Variants in MAP4K3 observed in about 807,000 individuals in gnomAD.
The protein encoded by MAP4K3 is MAPK/ERK kinase kinase kinase 3.
Under a neutral mutation model 143.5 loss-of-function variants are expected in MAP4K3, and 94 were observed. The ratio of observed to expected loss-of-function variants is 0.65; its 90% CI spans 0.55 to 0.78. The LOEUF (loss-of-function observed/expected upper bound fraction) is 0.78, where lower values mean the gene tolerates loss of function less well. Ranked by LOEUF, MAP4K3 falls within the 30% of genes least tolerant of loss-of-function variation. The pLI, the probability that MAP4K3 is intolerant of heterozygous loss-of-function variation, is 0.00. For synonymous variants in MAP4K3, 416 were observed against 347.2 expected (o/e 1.20, Z -2.20); for missense variants, 1,077 against 1,068.1 (o/e 1.01, Z -0.12).
intron 7 of MAP4K3, 46 bp downstream of exon 7, chr2:39,333,486 A>G: frequency 1.4e-6 from 2 of 1,444,368 alleles, no homozygotes; most frequent in East Asian, 2.3e-5. Flanking sequence ...ACTTTACTAT[A>G]TCTTAGAATA....
At chr2:39,287,085 A>G in intron 20 of MAP4K3, 121 bp from the exon 21 acceptor site, 1 of 552,658 alleles carries the variant, frequency 1.8e-6, no homozygotes, top group Non-Finnish European at 3.1e-6. Flanking sequence ...ATTTGGGATC[A>G]CCCAATCAGA....
At chr2:39,376,283 G>A (rs1039963515) in intron 2 of MAP4K3, among the ~76,000 whole-genome samples, 3 of 152,160 alleles carry the variant, frequency 2.0e-5, no homozygotes, top group African/African-American at 7.2e-5. Flanking sequence ...AAAATAACTG[G>A]TGGCGGGGGG....
intron 2 of MAP4K3, among the ~76,000 whole-genome samples, chr2:39,377,746 C>A (rs1195882870): frequency 2.0e-5 from 3 of 152,176 alleles, no homozygotes; most frequent in East Asian, 1.9e-4. Context: ...CTACATCACA[C>A]TGACACCACA....
At chr2:39,387,330 A>G (rs1666531857) in intron 1 of MAP4K3, among the ~76,000 whole-genome samples, 1 of 152,182 alleles carries the variant, frequency 6.6e-6, no homozygotes, top group Non-Finnish European at 1.5e-5. Flanking sequence ...GAAAGAACTG[A>G]CATATTTACT....
At chr2:39,343,478 C>A (rs1312729124) in intron 3 of MAP4K3, 26 bp from the exon 4 acceptor site, 3 of 1,596,464 alleles carry the variant, frequency 1.9e-6, no homozygotes, top group South Asian at 2.2e-5. Context: ...AAGCATGTAT[C>A]ATATTTTCAT....
intron 1 of MAP4K3, among the ~76,000 whole-genome samples, chr2:39,424,830 CAAAAAAAAAAAAA>C (rs58960920): frequency 5.9e-5 from 4 of 68,198 alleles, no homozygotes; most frequent in African/African-American, 2.4e-4. Flanking sequence ...TAACCTGACT[CAAAAAAAAAAAAA>C]AAAAAAAAAA....
intron 16 of MAP4K3, among the ~76,000 whole-genome samples, chr2:39,295,800 C>A (rs1169016311): frequency 2.7e-5 from 4 of 148,024 alleles, no homozygotes; most frequent in Non-Finnish European, 5.9e-5. Flanking sequence ...CTCACTGCAA[C>A]CTCCACTTCC....
In MAP4K3 at chr2:39,343,383, C is replaced by T; in HGVS notation, c.310+5G>A. ...ACCCCTATAAAAATACAACTTTGGT[C>T]TTACCGTGATAAATATCCTGTAAAG... On this transcript the variant is annotated splice_donor_5th_base_variant and intron_variant, in intron 4 of 33. Transcript: ENST00000263881. The T allele has an allele frequency of 6.2e-7, 1 of 1,609,588 alleles. No individual in the cohort carries two copies. Among genetic ancestry groups the T allele is most frequent in the Non-Finnish European group, 8.5e-7 (1 of 1,176,734 alleles).
chr2:39,355,964 T>A (rs1665600031), intron 3 of MAP4K3, among the ~76,000 whole-genome samples: 1 of 152,208 alleles, frequency 6.6e-6, no homozygotes, highest in South Asian at 2.1e-4. Context: ...GGCAAGAGAA[T>A]GGCATATTTA....
chr2:39,258,447 G>T lies in MAP4K3; in HGVS notation c.2378-7C>A, dbSNP rs748015482. On this transcript the variant is annotated splice_region_variant and splice_polypyrimidine_tract_variant and intron_variant, in intron 30 of 33. Coordinates refer to ENST00000263881, the MANE Select transcript of MAP4K3 (RefSeq NM_003618.4). ...TTTACTATTTTTATACAACCTAGAG[G>T]AAAAAAAGTCACTCAGAAACTAAGA... 2 of 1,604,202 alleles carry T rather than the reference G, an allele frequency of 1.2e-6. No individual in the cohort carries two copies. The highest frequency in any genetic ancestry group is 1.7e-6 in the Non-Finnish European group (2 of 1,172,454).
intron 2 of MAP4K3, among the ~76,000 whole-genome samples, chr2:39,363,114 A>G (rs1473199127): frequency 6.6e-6 from 1 of 152,238 alleles, no homozygotes; most frequent in African/African-American, 2.4e-5. Flanking sequence ...ACTCTTATAG[A>G]AAAACACAGG....
intron 2 of MAP4K3, among the ~76,000 whole-genome samples, chr2:39,361,788 T>C (rs1354495504): frequency 6.6e-6 from 1 of 151,794 alleles, no homozygotes; most frequent in African/African-American, 2.4e-5. Flanking sequence ...TCATGTTAAA[T>C]AGCTGTTTGA....
chr2:39,272,492 T>C lies in MAP4K3; in HGVS notation c.1845A>G (p.Leu615=), dbSNP rs759033132. The change falls in exon 25 of 34, where the codon CTA becomes CTG. Residue 615 remains leucine (L), a synonymous_variant. Coordinates refer to ENST00000263881, the MANE Select transcript of MAP4K3 (RefSeq NM_003618.4). ...TWLYVMNNCL[L]SISGKASQLY... is the part of the protein sequence containing the mutation. The stretch of plus-strand genomic sequence containing the variant: ...AACTAATATACTTACCAGATATTGA[T>C]AGCAAGCAATTGTTCATTACATACA... 8 of 1,612,978 alleles carry C rather than the reference T, an allele frequency of 5.0e-6. No homozygotes were observed. In the African/African-American group the frequency reaches 8.0e-5, roughly 16 times the overall value.
chr2:39,277,585 G>A (rs998280418), intron 24 of MAP4K3, among the ~76,000 whole-genome samples: 34 of 151,554 alleles, frequency 2.2e-4, no homozygotes, highest in African/African-American at 7.0e-4. Context: ...TTTTTTTGAG[G>A]TGGAGTTTCA....
chr2:39,267,161 G>A lies in MAP4K3; in HGVS notation c.2032+28C>T, dbSNP rs756847148. On this transcript the variant is annotated intron_variant, in intron 27 of 33. Coordinates refer to ENST00000263881, the MANE Select transcript of MAP4K3 (RefSeq NM_003618.4). ...CAGATTTTAGGAGGAGTCTCAGAGA[G>A]CTATATGCTATTGGACAGTTTACTT... The A allele has an allele frequency of 3.1e-6, 5 of 1,608,664 alleles. No homozygotes were observed. In the East Asian group the frequency reaches 1.1e-4, roughly 36 times the overall value.
chr2:39,397,521 ACAT>A (rs1465005836), intron 1 of MAP4K3, among the ~76,000 whole-genome samples: 1 of 152,220 alleles, frequency 6.6e-6, no homozygotes, highest in East Asian at 1.9e-4. Context: ...GAGAGGCTAA[ACAT>A]CATAAAGGTA....
At chr2:39,353,609 C>T (rs927558546) in intron 3 of MAP4K3, among the ~76,000 whole-genome samples, 5 of 152,102 alleles carry the variant, frequency 3.3e-5, no homozygotes, top group East Asian at 3.8e-4. Context: ...ATGTTAAATT[C>T]TCTCAAGAAT....
At chr2:39,363,668 C>CAAAAAAAAAAA (rs34083007) in intron 2 of MAP4K3, among the ~76,000 whole-genome samples, 1 of 83,742 alleles carries the variant, frequency 1.2e-5, no homozygotes, top group African/African-American at 4.8e-5. Context: ...GACTCTGTCT[C>CAAAAAAAAAAA]AAAAAAAAAA....
At chr2:39,299,626 T>C (rs1332068960) in intron 16 of MAP4K3, 117 bp downstream of exon 16, 5 of 471,314 alleles carry the variant, frequency 1.1e-5, no homozygotes, top group Non-Finnish European at 1.8e-5. Flanking sequence ...GAAATGCATA[T>C]TGTAAAATAT....
Sources: allele counts gnomAD v4.1 joint callset (sites outside exome capture counted in the v4.1 genomes callset), GRCh38; gene constraint gnomAD v4.1.1; transcripts MANE v1.5; gene names NCBI Gene and HGNC (gene_info 2026-07-23, HGNC 2026-07-21).